APC2: variants seen among roughly 807,000 people sequenced by gnomAD.
APC2 encodes the protein adenomatous polyposis coli protein 2.
APC2 carries 41 observed loss-of-function variants against 72.5 expected under a neutral mutation model. That is an observed-to-expected ratio of 0.57 (90% CI 0.44 to 0.73). APC2 has a LOEUF of 0.73. Ranked by LOEUF, APC2 falls within the 30% of genes least tolerant of loss-of-function variation. The probability of loss-of-function intolerance (pLI) is 0.00; values close to 1 mark genes in which losing one functional copy is unlikely to be tolerated. For missense variants in APC2, 3,729 were observed against 3,403.4 expected (o/e 1.10, Z -2.38); for synonymous variants, 1,898 against 1,612.0 (o/e 1.18, Z -4.25).
chr19:1,457,749 C>G, intron 9 of APC2: 1 of 599,380 alleles, frequency 1.7e-6, no homozygotes, highest in Middle Eastern at 4.4e-4. Flanking sequence ...GTGTGGTGCT[C>G]CAGGAACTAC....
Position 1,452,942 on chromosome 19 carries a change from T to A in APC2, c.-18-42T>A. 1 of 1,594,556 alleles carries A rather than the reference T, an allele frequency of 6.3e-7. No individual in the cohort carries two copies. Among genetic ancestry groups the A allele is most frequent in the Non-Finnish European group, 8.5e-7 (1 of 1,170,716 alleles). On this transcript the variant is annotated intron_variant, in intron 1 of 14. Transcript: ENST00000590469. This position sits in a 1 kb window ranked among gnomAD's most constrained non-coding sequence, Gnocchi z 5.1. ...CTGTCCGGAAGGCATCACCGCGCCC[T>A]CCCCAGACCATCAGCTGAACCCTCT... is the stretch of plus-strand genomic sequence containing the variant.
chr19:1,448,147 G>A (rs770805875), upstream of APC2, among the ~76,000 whole-genome samples: 1 of 151,924 alleles, frequency 6.6e-6, no homozygotes, highest in African/African-American at 2.4e-5. Context: ...GCTCTGCCCC[G>A]GCTTGACCTG....
chr19:1,462,121 C>T lies in APC2; in HGVS notation c.1797C>T (p.Ser599=), dbSNP rs778827861. 1.6e-5 allele frequency: 25 copies of T among 1,612,388 alleles called. No individual in the cohort carries two copies. The highest frequency in any genetic ancestry group is 4.5e-5 in the East Asian group (2 of 44,870). ...GCAACTCGCTGGCCATCATCGAGAG[C>T]GGCGGCGGCATCCTCCGCAATGTGT... The part of the protein sequence containing the change: ...CQSNSLAIIE[S]GGGILRNVSS... The change falls in exon 14 of 15, where the codon AGC becomes AGT. Residue 599 remains serine (S), a synonymous_variant. Transcript: ENST00000590469.
Position 1,457,243 on chromosome 19 carries a change from G to A in APC2, c.1207G>A (p.Ala403Thr), listed in dbSNP as rs1486635937. The change falls in exon 9 of 15, where the codon GCC becomes ACC. Residue 403 changes from alanine (A) to threonine (T), a missense_variant and splice_region_variant. Coordinates refer to ENST00000590469, the MANE Select transcript of APC2 (RefSeq NM_005883.3). ...GGPEGGGAGS[A>T]PIPIEPQICQ... The stretch of plus-strand genomic sequence containing the variant: ...GCCCGAGGGAGGTGGCGCCGGCAGC[G>A]GTGAGTGCCTGGCCTGGTGGGCCCC... 1.0e-5 allele frequency: 16 copies of A among 1,525,330 alleles called. No homozygotes were observed. Among genetic ancestry groups the A allele is most frequent in the East Asian group, 2.6e-5 (1 of 38,970 alleles). The allele number at this position is 1,525,330 out of a possible 1,614,324, so 94.5% of individuals were successfully genotyped here. A position where few individuals can be genotyped will look rare whatever the true frequency, so the allele number is the denominator to read the frequency against.
rs1211332063 is a variant in APC2 at position 1,466,157 on chromosome 19, G to A, written c.2856G>A (p.Ser952=). The change falls in exon 15 of 15, where the codon TCG becomes TCA. Residue 952 remains serine, a synonymous_variant. Transcript: ENST00000590469. The part of the protein sequence containing the change: ...MLPCPLAALA[S]RREDPRCGQP... ...CCTGCCCGCTGGCCGCACTGGCTTC[G>A]CGCCGCGAGGACCCCAGGTGTGGGC... 14 of 1,564,972 alleles carry A rather than the reference G, an allele frequency of 8.9e-6. No individual in the cohort carries two copies. Among genetic ancestry groups the A allele is most frequent in the South Asian group, 2.3e-5 (2 of 86,850 alleles).
intron 10 of APC2, 85 bp from the exon 11 acceptor site, chr19:1,460,096 G>A: frequency 5.7e-6 from 9 of 1,569,646 alleles, no homozygotes; most frequent in Non-Finnish European, 7.0e-6. Flanking sequence ...CATAGGGAGG[G>A]CCTCTGGGCA....
intron 4 of APC2, among the ~76,000 whole-genome samples, chr19:1,454,830 G>A (rs1206263156): frequency 6.6e-6 from 1 of 152,046 alleles, no homozygotes; most frequent in Non-Finnish European, 1.5e-5. Flanking sequence ...GCCTCTCAAA[G>A]TGCTGGGATT....
At chr19:1,459,488 G>T (rs968853471) in intron 10 of APC2, among the ~76,000 whole-genome samples, 1 of 152,216 alleles carries the variant, frequency 6.6e-6, no homozygotes, top group Admixed American at 6.5e-5. Context: ...CTGGCTCTGT[G>T]AATCGTGCTG....
Position 1,466,026 on chromosome 19 carries a change from G to A in APC2, c.2725G>A (p.Ala909Thr). ...EGGRREAGSR[A>T]HPLLRLKAAH... ...CGGGCGGCGAGAGGCAGGAAGCCGG[G>A]CGCACCCGCTGCTGCGGCTCAAGGC... Residue 909 changes from alanine to threonine, a missense_variant, in exon 15 of 15, where the codon GCG (alanine) becomes ACG (threonine). Transcript: ENST00000590469. 1 of 1,494,826 alleles carries A rather than the reference G, an allele frequency of 6.7e-7. No individual in the cohort carries two copies. Among genetic ancestry groups the A allele is most frequent in the Non-Finnish European group, 8.8e-7 (1 of 1,131,652 alleles). 92.6% of individuals were successfully genotyped at this position (1,494,826 alleles called of 1,614,324 possible).
chr19:1,454,935 C>A (rs549247029), intron 4 of APC2, among the ~76,000 whole-genome samples: 1 of 151,652 alleles, frequency 6.6e-6, no homozygotes, highest in East Asian at 1.9e-4. Context: ...GTTGCCCAGA[C>A]TGTTTTCTCT....
At chr19:1,464,632 CTTTTTT>C (rs1010096440) in intron 14 of APC2, among the ~76,000 whole-genome samples, 4 of 123,714 alleles carry the variant, frequency 3.2e-5, no homozygotes, top group African/African-American at 1.3e-4. Context: ...CTGTTTTTTC[CTTTTTT>C]TTTTTTTTTT....
Position 1,465,479 on chromosome 19 carries a change from G to A in APC2, c.2178G>A (p.Leu726=). The A allele has an allele frequency of 6.5e-7, 1 of 1,529,390 alleles. No homozygotes were observed. The highest frequency in any genetic ancestry group is 1.4e-5 in the African/African-American group (1 of 72,108). The allele number at this position is 1,529,390 out of a possible 1,614,324, so 94.7% of individuals were successfully genotyped here. A position where few individuals can be genotyped will look rare whatever the true frequency, so the allele number is the denominator to read the frequency against. Residue 726 remains leucine (L), a synonymous_variant, in exon 15 of 15, where the codon CTG becomes CTA. Transcript: ENST00000590469. ...TGTACGTGCGCAAGCAGCGGGCGCT[G>A]GAGGCCGAGCTGGACGCACGGCACC... ...PSLYVRKQRA[L]EAELDARHLA...
rs781517618 is a variant in APC2, at chr19:1,461,746, G to A, written c.1639-217G>A. ...GGGTGTCTGTAGTCCCAGCTACTCC[G>A]GAGGCTGAGGCAGGAGAATCGCTTG... On this transcript the variant is annotated intron_variant, in intron 13 of 14. Transcript: ENST00000590469. 6.1e-4 allele frequency: 337 copies of A among 554,380 alleles called. 3 individuals are homozygous for A. The highest frequency in any genetic ancestry group is 2.4e-4 in the Non-Finnish European group (76 of 315,030). 34.3% of individuals were successfully genotyped at this position (554,380 alleles called of 1,614,324 possible).
At position 1,453,418 on chromosome 19, in the gene APC2, C is replaced by T. The variant is rs770386382; in HGVS notation, c.233-13C>T. 100 of 1,603,906 alleles carry T rather than the reference C, an allele frequency of 6.2e-5. No homozygotes were observed. The highest frequency in any genetic ancestry group is 8.1e-5 in the Non-Finnish European group (95 of 1,173,580). ...CAGGGCCGCTGACCTCCGCCCTGTC[C>T]CCGCCCATCCAGCCCTACAGATGGA... On this transcript the variant is annotated splice_polypyrimidine_tract_variant and intron_variant, in intron 3 of 14. Transcript: ENST00000590469.
Position 1,465,154 on chromosome 19 carries a change from G to A in APC2, c.1854-1G>A. The A allele has an allele frequency of 6.3e-7, 1 of 1,596,124 alleles. No individual in the cohort carries two copies. The highest frequency in any genetic ancestry group is 8.5e-7 in the Non-Finnish European group (1 of 1,172,376). ...CAGGCTAACCCGCCCTGTGCCTACA[G>A]GCAGGTGCTCCGGGATCACAACTGT... On this transcript the variant is annotated splice_acceptor_variant, in intron 14 of 14. Coordinates refer to ENST00000590469, the MANE Select transcript of APC2 (RefSeq NM_005883.3). LOFTEE classifies it high-confidence loss of function.
intron 11 of APC2, among the ~76,000 whole-genome samples, 171 bp downstream of exon 11, chr19:1,460,491 G>A (rs941494334): frequency 4.1e-4 from 62 of 152,256 alleles, no homozygotes; most frequent in Admixed American, 4.0e-3. Context: ...GGGGACGGGA[G>A]CGCGTGCTGA....
chr19:1,452,540 CCTGT>C lies in APC2; in HGVS notation c.-18-430_-18-427del, dbSNP rs935531993. 3.0e-4 allele frequency: 52 copies of C among 173,596 alleles called. No homozygotes were observed. The highest frequency in any genetic ancestry group is 6.3e-4 in the South Asian group (5 of 7,910). The allele number at this position is 173,596 out of a possible 1,614,324, so 10.8% of individuals were successfully genotyped here. A position where few individuals can be genotyped will look rare whatever the true frequency, so the allele number is the denominator to read the frequency against. On this transcript the variant is annotated intron_variant, in intron 1 of 14. Transcript: ENST00000590469. This position sits in a 1 kb window ranked among gnomAD's most constrained non-coding sequence, Gnocchi z 5.1. ...CAGGCTTGCTTTTATGGGGGAGGGTCCTGTCTGTCTGTCTGTCGCCCTCTCTGGC... is the reference window on the plus strand; with the variant it reads ...CAGGCTTGCTTTTATGGGGGAGGGTCCTGTCTGTCTGTCGCCCTCTCTGGC...
In APC2 at chr19:1,465,794, G is replaced by C; in HGVS notation, c.2493G>C (p.Lys831Asn). The change falls in exon 15 of 15, where the codon AAG (lysine) becomes AAC (asparagine). Residue 831 changes from lysine to asparagine, a missense_variant. Physicochemically the swap from Lys to Asn is moderately conservative, Grantham distance 94. Transcript: ENST00000590469. ...PTRRGGKEAE[K>N]DTSGEAAVAA... Reference sequence around the variant, plus strand: ...GCCGAGGCGGCAAGGAGGCAGAGAAGGACACCAGTGGGGAGGCAGCCGTGG... The same window carrying C: ...GCCGAGGCGGCAAGGAGGCAGAGAACGACACCAGTGGGGAGGCAGCCGTGG... The C allele has an allele frequency of 6.3e-7, 1 of 1,580,628 alleles. No homozygotes were observed.
intron 9 of APC2, 67 bp from the exon 10 acceptor site, chr19:1,457,898 G>GCGGGGGGGGA: frequency 2.1e-6 from 3 of 1,432,326 alleles, no homozygotes; most frequent in Non-Finnish European, 2.8e-6. Context: ...CGGGTTGCGG[G>GCGGGGGGGGA]ACCTTCGGGA....
Sources: gnomAD v4.1 joint callset for allele counts (sites outside exome capture counted in the v4.1 genomes callset) on GRCh38, gnomAD v4.1.1 for gene constraint, Gnocchi (gnomAD v3.1) non-coding constraint, MANE v1.5 for transcripts, NCBI Gene and HGNC (gene_info 2026-07-23, HGNC 2026-07-21) for gene names.